The following TONSL variants were observed in gnomAD, a reference collection of about 807,000 sequenced individuals.
TONSL encodes the protein tonsoku like, DNA repair protein.
A neutral mutation model predicts 147.1 loss-of-function variants in TONSL; 112 were observed. That is an observed-to-expected ratio of 0.76 (90% confidence interval 0.65 to 0.89). The LOEUF (loss-of-function observed/expected upper bound fraction) is 0.89. Ranked by LOEUF, TONSL falls within the 40% of genes least tolerant of loss-of-function variation. The pLI, the probability that TONSL is intolerant of heterozygous loss-of-function variation, is 0.00. For missense variants in TONSL, 1,883 were observed against 1,864.6 expected (o/e 1.01, Z -0.18); for synonymous variants, 868 against 801.5 (o/e 1.08, Z -1.40).
chr8:144,442,632 G>T (rs749080478), intron 5 of TONSL, 45 bp downstream of exon 5: 4 of 1,591,946 alleles, frequency 2.5e-6, no homozygotes, highest in Non-Finnish European at 3.4e-6. Flanking sequence ...ACTTCCTCCA[G>T]GAACAAGGGA....
intron 2 of TONSL, 68 bp from the exon 3 acceptor site, chr8:144,444,092 C>A: frequency 7.5e-7 from 1 of 1,327,292 alleles, no homozygotes; most frequent in South Asian, 2.1e-5. Context: ...GCGGCGTCTG[C>A]CGGAAGAGCC....
intron 11 of TONSL, among the ~76,000 whole-genome samples, chr8:144,439,473 C>G (rs1823617855): frequency 6.6e-6 from 1 of 152,252 alleles, no homozygotes; most frequent in Admixed American, 6.5e-5. Context: ...CACCCCCCAA[C>G]AGGCCTCATG....
rs116679429 is a variant in TONSL, at chr8:144,429,526, T to A, written c.3944-190A>T. Among the ~76,000 whole-genome samples the A allele has an allele frequency of 5.8e-3, 882 of 152,242 alleles. 9 individuals are homozygous for A. Among genetic ancestry groups the A allele is most frequent in the African/African-American group, 0.02 (811 of 41,530 alleles). ...GTGGGATCATCTGCACAGCCAGCGGTCAGACAGGAGGAAGGGTGGCTCCCT... is the reference window on the plus strand; with the variant it reads ...GTGGGATCATCTGCACAGCCAGCGGACAGACAGGAGGAAGGGTGGCTCCCT... On this transcript the variant is annotated intron_variant, in intron 25 of 25. Transcript: ENST00000409379.
rs886716710 is a variant in TONSL at position 144,444,242 on chromosome 8, G to A, written c.59C>T (p.Ala20Val). 1 of 1,456,098 alleles carries A rather than the reference G, an allele frequency of 6.9e-7. No individual in the cohort carries two copies. Among genetic ancestry groups the A allele is most frequent in the Admixed American group, 2.4e-5 (1 of 40,930 alleles). 90.2% of individuals were successfully genotyped at this position (1,456,098 alleles called of 1,614,324 possible). Residue 20 changes from alanine to valine, a missense_variant, in exon 2 of 26, where the codon GCC becomes GTC. By Grantham distance (64) the Ala-to-Val change is moderately conservative. Transcript: ENST00000409379. ...CGCGGCCTCTTCGCGCCGCTGCCCG[G>A]CCCTCTGCGCCTTGGCTTTCGCCTT... The part of the protein sequence containing the change: ...LSKAKAKAQR[A>V]GQRREEAALC...
rs373518369 is a variant in TONSL, at chr8:144,440,502, G to A, written c.1165-26C>T. 9.9e-5 allele frequency: 155 copies of A among 1,572,756 alleles called. 1 individual carries two copies. The highest frequency in any genetic ancestry group is 1.1e-4 in the Non-Finnish European group (127 of 1,156,814). On this transcript the variant is annotated intron_variant, in intron 9 of 25. Transcript: ENST00000409379. ...CTGGAGCAGGAGGAAGGACAGGGTC[G>A]GGGGCTGCCGCTGTCTGCGTCCAAC...
rs1378593555 is a variant in TONSL at position 144,436,225 on chromosome 8, C to T, written c.2208G>A (p.Gly736=). ...CTGAGCTGCTGCTGCTGCTGGCTGG[C>T]CCATGCCTGCTCCTCCGAGGCCTGG... ...AMARPRRSRH[G]PASSSSSSEG... is the part of the protein sequence containing the mutation. Residue 736 remains glycine, a synonymous_variant, in exon 17 of 26, where the codon GGG becomes GGA. Coordinates refer to ENST00000409379, the MANE Select transcript of TONSL (RefSeq NM_013432.5). 4.5e-6 allele frequency: 7 copies of T among 1,559,630 alleles called. No homozygotes were observed. The highest frequency in any genetic ancestry group is 6.1e-6 in the Non-Finnish European group (7 of 1,156,376).
rs758921156 is a variant in TONSL at position 144,435,131 on chromosome 8, C to T, written c.2892G>A (p.Ala964=). The T allele has an allele frequency of 2.5e-4, 388 of 1,576,884 alleles. No homozygotes were observed. Among genetic ancestry groups the T allele is most frequent in the Admixed American group, 3.3e-4 (18 of 55,340 alleles). ...CGCAGGTCTGGTAGTAGCGCTGGGC[C>T]GCCTGCTCGGCCAGCCAGGCCACAG... is the stretch of plus-strand genomic sequence containing the variant. ...THSVAWLAEQ[A]AQRYYQTCGL... The change falls in exon 19 of 26, where the codon GCG becomes GCA. Residue 964 remains alanine (A), a synonymous_variant. Coordinates refer to ENST00000409379, the MANE Select transcript of TONSL (RefSeq NM_013432.5).
At position 144,440,244 on chromosome 8, in the gene TONSL, G is replaced by C. The variant is rs201074374; in HGVS notation, c.1291-34C>G. The C allele has an allele frequency of 4.3e-4, 682 of 1,568,874 alleles. 2 individuals carry two copies. In the African/African-American group the frequency reaches 8.6e-3, roughly 20 times the overall value. On this transcript the variant is annotated intron_variant, in intron 10 of 25. Coordinates refer to ENST00000409379, the MANE Select transcript of TONSL (RefSeq NM_013432.5). ...CAGAGGGATGCTCAGCTCAGGACTG[G>C]GGGCTGTGGACGCAGAGAAAGATGG...
rs1030622390 is a variant in TONSL, at chr8:144,444,001, G to C, written c.145C>G (p.Gln49Glu). ...GHGRYAEALE[Q>E]HWQELQLRER... ...CGAAGCTGCAGCTCCTGCCAGTGCT[G>C]CTCCAGAGCCTCGGCGTAGCGGCCT... The change falls in exon 3 of 26, where the codon CAG becomes GAG. Residue 49 changes from glutamine (Q) to glutamate (E), a missense_variant. Physicochemically the swap from Gln to Glu is conservative, Grantham distance 29. Coordinates refer to ENST00000409379, the MANE Select transcript of TONSL (RefSeq NM_013432.5). The C allele has an allele frequency of 1.9e-6, 3 of 1,538,606 alleles. No homozygotes were observed. Among genetic ancestry groups the C allele is most frequent in the Non-Finnish European group, 2.6e-6 (3 of 1,146,426 alleles).
rs1389616158 is a variant in TONSL at position 144,444,419 on chromosome 8, G to A, written c.-5C>T. 1.3e-5 allele frequency: 16 copies of A among 1,235,310 alleles called. No individual in the cohort carries two copies. Among genetic ancestry groups the A allele is most frequent in the African/African-American group, 4.7e-5 (3 of 64,034 alleles). 76.5% of individuals were successfully genotyped at this position (1,235,310 alleles called of 1,614,324 possible). On this transcript the variant is annotated 5_prime_UTR_variant, in exon 1 of 26. Coordinates refer to ENST00000409379, the MANE Select transcript of TONSL (RefSeq NM_013432.5). The stretch of plus-strand genomic sequence containing the variant: ...AAGCTCGCGCTCCAGGCTCATGCTC[G>A]GATCGCCGCGGGATCCGGACTTCCC...
In TONSL at chr8:144,428,924, G is replaced by A; in HGVS notation, c.*219C>T. 6.3e-6 allele frequency: 3 copies of A among 478,052 alleles called. No homozygotes were observed. Among genetic ancestry groups the A allele is most frequent in the Non-Finnish European group, 1.1e-5 (3 of 276,880 alleles). The allele number at this position is 478,052 out of a possible 1,614,324, so 29.6% of individuals were successfully genotyped here. ...CCTGCCTCAGCCTCCGGAGTAGCTG[G>A]GACTACAGGCTTCCACCACCACGCC... On this transcript the variant is annotated 3_prime_UTR_variant, in exon 26 of 26. Coordinates refer to ENST00000409379, the MANE Select transcript of TONSL (RefSeq NM_013432.5).
rs777687740 is a variant in TONSL, at chr8:144,440,061, G to A, written c.1440C>T (p.Ser480=). 38 of 1,556,830 alleles carry A rather than the reference G, an allele frequency of 2.4e-5. No individual in the cohort carries two copies. Among genetic ancestry groups the A allele is most frequent in the African/African-American group, 5.4e-5 (4 of 73,744 alleles). The change falls in exon 11 of 26, where the codon AGC becomes AGT. Residue 480 remains serine, a synonymous_variant. Coordinates refer to ENST00000409379, the MANE Select transcript of TONSL (RefSeq NM_013432.5). ...EAEEAAATAE[S]EALEAGEVEL... ...CCACCTCGCCGGCCTCCAGGGCTTC[G>A]CTCTCCGCTGTGGCTGCCGCCTCCT... is the stretch of plus-strand genomic sequence containing the variant.
At chr8:144,430,325 TAGG>T in intron 25 of TONSL, 76 bp downstream of exon 25, 5 of 1,428,204 alleles carry the variant, frequency 3.5e-6, no homozygotes, top group Non-Finnish European at 3.7e-6. Flanking sequence ...GACAGCCCCT[TAGG>T]AGGAGGCACC....
At position 144,429,158 on chromosome 8, in the gene TONSL, G is replaced by A. The variant is rs1564724134; in HGVS notation, c.4122C>T (p.Phe1374=). Residue 1374 remains phenylalanine, a synonymous_variant, in exon 26 of 26, where the codon TTC becomes TTT. Coordinates refer to ENST00000409379, the MANE Select transcript of TONSL (RefSeq NM_013432.5). The part of the protein sequence containing the change: ...ECTLDHGSKL[F]FRRL ...AGCGCCAGGGTCAGAGGCGCCGAAAGAAGAGCTTGGAGCCGTGGTCCAGCG... is the reference window on the plus strand; with the variant it reads ...AGCGCCAGGGTCAGAGGCGCCGAAAAAAGAGCTTGGAGCCGTGGTCCAGCG... 16 of 1,530,822 alleles carry A rather than the reference G, an allele frequency of 1.0e-5. No homozygotes were observed. In the South Asian group the frequency reaches 1.2e-4, roughly 11 times the overall value. The allele number at this position is 1,530,822 out of a possible 1,614,324, so 94.8% of individuals were successfully genotyped here.
chr8:144,440,223 G>A lies in TONSL; in HGVS notation c.1291-13C>T. The A allele has an allele frequency of 6.3e-7, 1 of 1,585,048 alleles. No individual in the cohort carries two copies. Among genetic ancestry groups the A allele is most frequent in the Non-Finnish European group, 8.6e-7 (1 of 1,164,400 alleles). ...GCAAGACCTGCCTCTGAGGAGCAGA[G>A]GGATGCTCAGCTCAGGACTGGGGGC... On this transcript the variant is annotated splice_polypyrimidine_tract_variant and intron_variant, in intron 10 of 25. Transcript: ENST00000409379.
At position 144,436,782 on chromosome 8, in the gene TONSL, G is replaced by A. The variant is rs1371584152; in HGVS notation, c.1865C>T (p.Ala622Val). The A allele has an allele frequency of 5.0e-6, 8 of 1,610,950 alleles. No individual in the cohort carries two copies. The highest frequency in any genetic ancestry group is 2.2e-5 in the East Asian group (1 of 44,880). Residue 622 changes from alanine (A) to valine (V), a missense_variant, in exon 15 of 26, where the codon GCG becomes GTG. Coordinates refer to ENST00000409379, the MANE Select transcript of TONSL (RefSeq NM_013432.5). Reference protein sequence around the residue: ...EVAELLLERGASVTLRTRKGL... With the variant: ...EVAELLLERGVSVTLRTRKGL... ...CTTTCGAGTGCGGAGGGTGACGGAC[G>A]CCCCCCGTTCAAGCAGCAGCTCAGC...
chr8:144,429,527 C>T (rs936523086), intron 25 of TONSL, among the ~76,000 whole-genome samples, 191 bp from the exon 26 acceptor site: 28 of 152,348 alleles, frequency 1.8e-4, no homozygotes, highest in African/African-American at 6.7e-4. Flanking sequence ...AGCCAGCGGT[C>T]AGACAGGAGG....
chr8:144,435,394 C>T (rs555581087), intron 18 of TONSL, 80 bp downstream of exon 18: 67 of 1,352,862 alleles, frequency 5.0e-5, no homozygotes, highest in Non-Finnish European at 6.4e-5. Flanking sequence ...CGTCACACGC[C>T]CCACCCTGAC....
At chr8:144,429,475 G>A (rs1281415141) in intron 25 of TONSL, 139 bp from the exon 26 acceptor site, 3 of 730,454 alleles carry the variant, frequency 4.1e-6, no homozygotes, top group Non-Finnish European at 5.9e-6. Context: ...GAGCTCCGGA[G>A]AGGCCCCATG....
Sources: gnomAD v4.1 joint callset for allele counts (sites outside exome capture counted in the v4.1 genomes callset) on GRCh38, gnomAD v4.1.1 for gene constraint, MANE v1.5 for transcripts, NCBI Gene and HGNC (gene_info 2026-07-23, HGNC 2026-07-21) for gene names.